The following PPIL4 variants were observed in gnomAD, a reference collection of about 807,000 sequenced individuals.
PPIL4 encodes peptidyl-prolyl cis-trans isomerase-like 4.
A neutral mutation model predicts 69.1 loss-of-function variants in PPIL4; 50 were observed. The observed-to-expected ratio is 0.72, with a 90% CI of 0.58 to 0.92. The LOEUF (loss-of-function observed/expected upper bound fraction) is 0.92, where lower values mean the gene tolerates loss of function less well. Among genes scored for constraint, PPIL4 ranks in the 40% least tolerant of loss-of-function variants. The pLI, the probability that PPIL4 is intolerant of heterozygous loss-of-function variation, is 0.00. For synonymous variants in PPIL4, 193 were observed against 191.6 expected, an observed-to-expected ratio of 1.01 and a Z score of -0.06; for missense variants, 480 against 587.9, an observed-to-expected ratio of 0.82 and a Z score of 1.90.
chr6:149,540,916 T>A (rs1051583680), intron 4 of PPIL4, 26 bp downstream of exon 4: 4 of 1,379,234 alleles, frequency 2.9e-6, no homozygotes, highest in East Asian at 2.3e-5. Flanking sequence ...TCTAAGCAAA[T>A]CTCATATTCT....
At chr6:149,517,245 G>C (rs1156901357) in intron 11 of PPIL4, 109 bp downstream of exon 11, 17 of 651,414 alleles carry the variant, frequency 2.6e-5, no homozygotes, top group Non-Finnish European at 4.3e-5. Context: ...TCTGGATTCA[G>C]GAAATTTGTC....
In PPIL4 at chr6:149,517,443, T is replaced by C; in HGVS notation, c.990A>G (p.Lys330=). 1 of 1,530,714 alleles carries C rather than the reference T, an allele frequency of 6.5e-7. No individual in the cohort carries two copies. The highest frequency in any genetic ancestry group is 8.8e-7 in the Non-Finnish European group (1 of 1,130,364). 94.8% of individuals were successfully genotyped at this position (1,530,714 alleles called of 1,614,324 possible). Residue 330 remains lysine, a synonymous_variant, in exon 11 of 13, where the codon AAA becomes AAG. Transcript: ENST00000253329. ...ACTCCTTGAAATCACTCTTGGTGTA[T>C]TTCCCACCTATTTATTAAGAAAAGA... The part of the protein sequence containing the change: ...AKVKWKGKGG[K]YTKSDFKEYE...
chr6:149,516,152 G>C (rs1776940349), intron 11 of PPIL4, among the ~76,000 whole-genome samples: 1 of 152,102 alleles, frequency 6.6e-6, no homozygotes, highest in African/African-American at 2.4e-5. Flanking sequence ...TTAGTAATAA[G>C]CCTAAATTTA....
intron 9 of PPIL4, among the ~76,000 whole-genome samples, chr6:149,521,600 T>G (rs971958752): frequency 6.6e-6 from 1 of 152,244 alleles, no homozygotes; most frequent in African/African-American, 2.4e-5. Flanking sequence ...AACCTAATGG[T>G]AGGTTATGAC....
chr6:149,546,002 C>T lies in PPIL4; in HGVS notation c.4G>A (p.Ala2Thr). ...CCTAAAGTGGTCTCCAGTAGAACCG[C>T]CATGGCGCCCGCTCCTCCTCCGCTA... M[A>T]VLLETTLGDV... The change falls in exon 1 of 13, where the codon GCG (alanine) becomes ACG (threonine). Residue 2 changes from alanine (A) to threonine (T), a missense_variant. Coordinates refer to ENST00000253329, the MANE Select transcript of PPIL4 (RefSeq NM_139126.4). 6.3e-7 allele frequency: 1 copy of T among 1,577,494 alleles called. No homozygotes were observed. Among genetic ancestry groups the T allele is most frequent in the Non-Finnish European group, 8.6e-7 (1 of 1,159,352 alleles).
rs372233825 is a variant in PPIL4 at position 149,538,941 on chromosome 6, G to A, written c.321+2001C>T. 3.6e-3 allele frequency among the ~76,000 whole-genome samples: 555 copies of A among 152,198 alleles called. 3 individuals carry two copies. Among genetic ancestry groups the A allele is most frequent in the African/African-American group, 0.013 (527 of 41,524 alleles). On this transcript the variant is annotated intron_variant, in intron 4 of 12. Coordinates refer to ENST00000253329, the MANE Select transcript of PPIL4 (RefSeq NM_139126.4). ...GGCTCACCGCAACCTCCACCTCCCA[G>A]GTTCAAGCAATTCTCCTGTCTCAGC...
intron 7 of PPIL4, among the ~76,000 whole-genome samples, chr6:149,528,984 T>G (rs563772095): frequency 6.6e-6 from 1 of 151,100 alleles, no homozygotes; most frequent in African/African-American, 2.4e-5. Context: ...ATCCCAACAC[T>G]TTGGGAGGCC....
intron 11 of PPIL4, 197 bp downstream of exon 11, chr6:149,517,157 G>C (rs1053688113): frequency 2.4e-4 from 113 of 478,508 alleles, no homozygotes; most frequent in African/African-American, 2.2e-3. Flanking sequence ...CCATACACTA[G>C]AGTATAGTGA....
rs765555651 is a variant in PPIL4 at position 149,512,150 on chromosome 6, G to A, written c.1227+5C>T. On this transcript the variant is annotated splice_donor_5th_base_variant and intron_variant, in intron 12 of 12. Transcript: ENST00000253329. ...TCCACATCTAAGTCTGGACATTAGA[G>A]GTACCTGATTAGTATTTTTGATTGG... is the stretch of plus-strand genomic sequence containing the variant. 13 of 1,596,688 alleles carry A rather than the reference G, an allele frequency of 8.1e-6. No homozygotes were observed. Among genetic ancestry groups the A allele is most frequent in the Non-Finnish European group, 1.1e-5 (13 of 1,170,658 alleles).
chr6:149,509,334 C>T (rs1776808683), intron 12 of PPIL4, among the ~76,000 whole-genome samples: 1 of 151,724 alleles, frequency 6.6e-6, no homozygotes, highest in South Asian at 2.1e-4. Context: ...AAGACTCACA[C>T]AAAAAAAACA....
chr6:149,509,033 A>T (rs1414043213), intron 12 of PPIL4, among the ~76,000 whole-genome samples: 3 of 152,168 alleles, frequency 2.0e-5, no homozygotes, highest in African/African-American at 7.2e-5. Context: ...TTAAATACTG[A>T]TGCTGAGTTT....
intron 4 of PPIL4, among the ~76,000 whole-genome samples, chr6:149,538,262 C>T (rs1777309157): frequency 6.7e-6 from 1 of 149,762 alleles, no homozygotes; most frequent in Non-Finnish European, 1.5e-5. Flanking sequence ...GAGAATCTGT[C>T]TCAAAAAAAA....
At chr6:149,541,195 G>A in intron 3 of PPIL4, 136 bp from the exon 4 acceptor site, 1 of 553,498 alleles carries the variant, frequency 1.8e-6, no homozygotes, top group Non-Finnish European at 2.9e-6. Flanking sequence ...TTTTTTTTAG[G>A]GAACTTGGGG....
chr6:149,538,738 C>T (rs980148122), intron 4 of PPIL4, among the ~76,000 whole-genome samples: 3 of 152,078 alleles, frequency 2.0e-5, no homozygotes, highest in South Asian at 2.1e-4. Context: ...TGCAAGAGAA[C>T]GAGAATTAGA....
intron 1 of PPIL4, among the ~76,000 whole-genome samples, chr6:149,545,227 G>T (rs967635984): frequency 8.5e-5 from 13 of 152,146 alleles, no homozygotes; most frequent in Non-Finnish European, 5.9e-5. Context: ...ATTCATCTTT[G>T]AAAGAACTAG....
At chr6:149,527,671 C>G (rs1402704952) in intron 7 of PPIL4, among the ~76,000 whole-genome samples, 1 of 152,072 alleles carries the variant, frequency 6.6e-6, no homozygotes, top group Non-Finnish European at 1.5e-5. Context: ...CAACAAATAC[C>G]CTGCTTTTTG....
intron 11 of PPIL4, among the ~76,000 whole-genome samples, chr6:149,514,845 T>G (rs1776917110): frequency 6.6e-6 from 1 of 151,504 alleles, no homozygotes; most frequent in Non-Finnish European, 1.5e-5. Flanking sequence ...TTTTTTTAAT[T>G]TTTTTTTTGA....
At position 149,512,184 on chromosome 6, in the gene PPIL4, C is replaced by A; in HGVS notation, c.1198G>T (p.Asp400Tyr). The change falls in exon 12 of 13, where the codon GAC (aspartate) becomes TAC (tyrosine). Residue 400 changes from aspartate (D) to tyrosine (Y), a missense_variant. Asp to Tyr is a radical substitution (Grantham distance 160). Coordinates refer to ENST00000253329, the MANE Select transcript of PPIL4 (RefSeq NM_139126.4). ...TTAGTATTTTTGATTGGCATGTAGT[C>A]CTCATCTTCTTTCTCTTCAGAACAG... ...HHCSEEKEDE[D>Y]YMPIKNTNQD... The A allele has an allele frequency of 6.2e-7, 1 of 1,612,466 alleles. No homozygotes were observed. The highest frequency in any genetic ancestry group is 8.5e-7 in the Non-Finnish European group (1 of 1,179,248).
In PPIL4 at chr6:149,511,397, T is replaced by TTGTG. The variant is rs375170478; in HGVS notation, c.1227+754_1227+757dup. Among the ~76,000 whole-genome samples, 1,322 of 147,692 alleles carry TTGTG rather than the reference T, an allele frequency of 9.0e-3. 25 individuals carry two copies. Among genetic ancestry groups the TTGTG allele is most frequent in the African/African-American group, 0.031 (1,250 of 40,290 alleles). ...GGTGCACACCACCATGCCTGGCCAA[T>TTGTG]TGTGTGTGTGTGTGTGTGTGTGTAC... On this transcript the variant is annotated intron_variant, in intron 12 of 12. Transcript: ENST00000253329.
Sources: allele counts gnomAD v4.1 joint callset (sites outside exome capture counted in the v4.1 genomes callset), GRCh38; gene constraint gnomAD v4.1.1; transcripts MANE v1.5; gene names NCBI Gene and HGNC (gene_info 2026-07-23, HGNC 2026-07-21).